The following KIAA1671 variants were observed in gnomAD, a reference collection of about 807,000 sequenced individuals.
KIAA1671 encodes the protein KIAA1671, also known as uncharacterized protein KIAA1671.
Under a neutral mutation model 131.2 loss-of-function variants are expected in KIAA1671, and 52 were observed. The ratio of observed to expected loss-of-function variants is 0.40; its 90% CI spans 0.32 to 0.50. The LOEUF (loss-of-function observed/expected upper bound fraction) is 0.50, where lower values mean the gene tolerates loss of function less well. Ranked by LOEUF, KIAA1671 falls within the 20% of genes least tolerant of loss-of-function variation. KIAA1671 has a pLI of 0.73. For synonymous variants in KIAA1671, 1,003 were observed against 961.6 expected (o/e 1.04, Z -0.80); for missense variants, 2,360 against 2,364.2 (o/e 1.00, Z 0.04).
intron 10 of KIAA1671, 32 bp downstream of exon 10, chr22:25,181,855 G>A (rs1374377684): frequency 1.9e-6 from 3 of 1,547,546 alleles, no homozygotes; most frequent in Non-Finnish European, 1.7e-6. Context: ...GTCACCTGGT[G>A]GGCATGATCC....
In KIAA1671 at chr22:25,117,927, TC is replaced by T. The variant is rs1300508938; in HGVS notation, c.4531-52892del. ...GCCGAGGCGGGCGGATCACCTGAGA[TC>T]GGGAGTTCAAGACCAGCTTGACCAA... is the stretch of plus-strand genomic sequence containing the variant. On this transcript the variant is annotated intron_variant, in intron 6 of 12. Transcript: ENST00000358431. Among the ~76,000 whole-genome samples the T allele has an allele frequency of 3.3e-5, 5 of 151,868 alleles. No homozygotes were observed. The East Asian group carries it at 9.7e-4, about 29-fold the overall frequency.
chr22:25,179,410 G>A, intron 9 of KIAA1671: 4 of 1,612,210 alleles, frequency 2.5e-6, no homozygotes, highest in Middle Eastern at 3.5e-4. Flanking sequence ...TGCGCCTCGC[G>A]GATCTCCTTG....
intron 1 of KIAA1671, among the ~76,000 whole-genome samples, chr22:25,000,476 A>G: frequency 2.6e-5 from 2 of 77,236 alleles, no homozygotes; most frequent in South Asian, 4.7e-4. Context: ...TACAGGCGTG[A>G]GCCACCGCGC....
At chr22:25,153,093 A>T (rs924856532) in intron 6 of KIAA1671, among the ~76,000 whole-genome samples, 22 of 152,140 alleles carry the variant, frequency 1.4e-4, no homozygotes, top group Admixed American at 3.9e-4. Flanking sequence ...CTTCCCAGTA[A>T]CTGTACTACC....
chr22:24,953,550 C>CTTAA (rs1921530072), intron 1 of KIAA1671, among the ~76,000 whole-genome samples: 1 of 152,012 alleles, frequency 6.6e-6, no homozygotes. Context: ...AAGCCTCAGT[C>CTTAA]CCCCTGTTAC....
intron 6 of KIAA1671, among the ~76,000 whole-genome samples, chr22:25,098,107 AC>A (rs1270950233): frequency 1.3e-5 from 2 of 152,306 alleles, no homozygotes; most frequent in African/African-American, 4.8e-5. Flanking sequence ...ATTGACACTT[AC>A]AAAATGGCAA....
At chr22:25,083,528 GTTA>G (rs1304961241) in intron 6 of KIAA1671, among the ~76,000 whole-genome samples, 1 of 152,176 alleles carries the variant, frequency 6.6e-6, no homozygotes, top group East Asian at 1.9e-4. Flanking sequence ...GGGAGGCACT[GTTA>G]TTATGTGCAT....
intron 6 of KIAA1671, among the ~76,000 whole-genome samples, chr22:25,132,457 C>T (rs994626217): frequency 5.9e-5 from 9 of 152,296 alleles, no homozygotes; most frequent in African/African-American, 1.9e-4. Flanking sequence ...CCCAGATCTG[C>T]CAGTTACCTC....
In KIAA1671 at chr22:25,194,556, A is replaced by G. The variant is rs1007110078; in HGVS notation, c.*2155A>G. ...TAATTAGTCATGTCTCAGCTCAAGG[A>G]TATCAGACAGGAATGAAACACACTT... is the stretch of plus-strand genomic sequence containing the variant. On this transcript the variant is annotated 3_prime_UTR_variant, in exon 13 of 13. Coordinates refer to ENST00000358431, the MANE Select transcript of KIAA1671 (RefSeq NM_001145206.2). The G allele has an allele frequency of 6.6e-6, 1 of 152,212 alleles. No individual in the cohort carries two copies. The highest frequency in any genetic ancestry group is 2.1e-4 in the South Asian group (1 of 4,830). The allele number at this position is 152,212 out of a possible 1,614,324, so 9.4% of individuals were successfully genotyped here. A position where few individuals can be genotyped will look rare whatever the true frequency, so the allele number is the denominator to read the frequency against.
chr22:25,130,752 G>A (rs142242685), intron 6 of KIAA1671, among the ~76,000 whole-genome samples: 3 of 152,274 alleles, frequency 2.0e-5, no homozygotes, highest in South Asian at 2.1e-4. Context: ...CAGCCTCTGG[G>A]TGGAGAGCTC....
At chr22:25,101,350 G>A (rs1930656861) in intron 6 of KIAA1671, among the ~76,000 whole-genome samples, 1 of 152,244 alleles carries the variant, frequency 6.6e-6, no homozygotes, top group Non-Finnish European at 1.5e-5. Flanking sequence ...GATTGGCTTT[G>A]CCATGCCAGG....
intron 10 of KIAA1671, among the ~76,000 whole-genome samples, chr22:25,184,283 C>G (rs1568997558): frequency 6.6e-6 from 1 of 152,232 alleles, no homozygotes; most frequent in Non-Finnish European, 1.5e-5. Context: ...AAGCCAGGAT[C>G]TGCCCTAAAA....
intron 4 of KIAA1671, among the ~76,000 whole-genome samples, chr22:25,034,513 C>T (rs949665479): frequency 6.6e-6 from 1 of 151,404 alleles, no homozygotes; most frequent in Non-Finnish European, 1.5e-5. Flanking sequence ...TGAGATCATT[C>T]ATGGTGTAGC....
chr22:25,181,579 C>T (rs749849518), intron 9 of KIAA1671, 120 bp from the exon 10 acceptor site: 31 of 1,213,124 alleles, frequency 2.6e-5, no homozygotes, highest in Admixed American at 2.3e-5. Context: ...TGGGCCATAG[C>T]GTCTTCTGTG....
chr22:25,092,563 T>G (rs1930075450), intron 6 of KIAA1671, among the ~76,000 whole-genome samples: 1 of 151,274 alleles, frequency 6.6e-6, no homozygotes, highest in Non-Finnish European at 1.5e-5. Flanking sequence ...GTGTGGGGAG[T>G]GGACTGGAGG....
chr22:25,063,355 A>G (rs796733574), intron 6 of KIAA1671: 5 of 152,294 alleles, frequency 3.3e-5, no homozygotes, highest in African/African-American at 1.2e-4. Context: ...ACGTATGTAT[A>G]CACCATGGAA....
intron 1 of KIAA1671, among the ~76,000 whole-genome samples, chr22:25,006,362 A>C (rs1409780996): frequency 1.3e-5 from 2 of 152,110 alleles, no homozygotes; most frequent in African/African-American, 2.4e-5. Flanking sequence ...CTGATATTTA[A>C]ATTTTAGTAA....
At chr22:25,027,919 C>T (rs1926037842) in intron 2 of KIAA1671, 26 bp from the exon 3 acceptor site, 5 of 1,138,914 alleles carry the variant, frequency 4.4e-6, no homozygotes, top group Non-Finnish European at 6.1e-6. Flanking sequence ...TCCAAATTTA[C>T]TTGTTTGTTT....
intron 6 of KIAA1671, among the ~76,000 whole-genome samples, chr22:25,081,598 CAG>C (rs948064016): frequency 4.2e-5 from 6 of 142,154 alleles, no homozygotes; most frequent in Middle Eastern, 3.6e-3. Context: ...GTTCTAACAA[CAG>C]GGGTTAGATG....
Sources: allele counts gnomAD v4.1 joint callset (sites outside exome capture counted in the v4.1 genomes callset), GRCh38; gene constraint gnomAD v4.1.1; transcripts MANE v1.5; gene names NCBI Gene and HGNC (gene_info 2026-07-23, HGNC 2026-07-21).